ATXN7: variants seen among roughly 807,000 people sequenced by gnomAD.
The protein encoded by ATXN7 is ataxin 7.
In ATXN7, 12 loss-of-function variants were observed where a neutral mutation model predicts 70.5. The observed-to-expected ratio is 0.17, with a 90% confidence interval of 0.11 to 0.28. ATXN7 has a LOEUF of 0.28. Ranked by LOEUF, ATXN7 falls within the 10% of genes least tolerant of loss-of-function variation. ATXN7 has a pLI of 1.00. For missense variants in ATXN7, 1,256 were observed against 1,131.7 expected, an observed-to-expected ratio of 1.11 and a Z score of -1.58; for synonymous variants, 498 against 448.7, an observed-to-expected ratio of 1.11 and a Z score of -1.39.
intron 4 of ATXN7, among the ~76,000 whole-genome samples, chr3:63,933,313 T>C (rs966800811): frequency 1.3e-5 from 2 of 152,198 alleles, no homozygotes; most frequent in South Asian, 2.1e-4. Flanking sequence ...TTCTGTCCTG[T>C]AGAAACTTAG....
At chr3:63,953,598 G>A (rs1575944047) in intron 5 of ATXN7, among the ~76,000 whole-genome samples, 1 of 152,064 alleles carries the variant, frequency 6.6e-6, no homozygotes, top group South Asian at 2.1e-4. Context: ...AGATGACACC[G>A]GACTGAGAGT....
At chr3:63,895,799 C>G (rs546829333) in intron 1 of ATXN7, among the ~76,000 whole-genome samples, 45 of 151,964 alleles carry the variant, frequency 3.0e-4, no homozygotes, top group Admixed American at 1.6e-3. Flanking sequence ...CTCTCTCTCT[C>G]TGTGTCTCTC....
At chr3:63,942,448 T>A (rs1384114081) in intron 4 of ATXN7, among the ~76,000 whole-genome samples, 2 of 152,212 alleles carry the variant, frequency 1.3e-5, no homozygotes. Flanking sequence ...TTATTTTTGT[T>A]ATACGTATCA....
At chr3:63,865,363 G>A (rs1442116110) in intron 1 of ATXN7, 2 of 152,180 alleles carry the variant, frequency 1.3e-5, no homozygotes, top group African/African-American at 4.8e-5. Flanking sequence ...ATTCTGAGAT[G>A]TGACTTGCTC....
At chr3:63,914,876 A>G (rs569599656) in intron 4 of ATXN7, among the ~76,000 whole-genome samples, 5 of 152,158 alleles carry the variant, frequency 3.3e-5, no homozygotes, top group Admixed American at 6.5e-5. Flanking sequence ...AAGACGTTAA[A>G]CTACCTACTT....
chr3:64,001,188 T>C lies in ATXN7; in HGVS notation c.*1721T>C, dbSNP rs1397966589. 6.6e-6 allele frequency: 1 copy of C among 152,136 alleles called. No homozygotes were observed. The highest frequency in any genetic ancestry group is 1.5e-5 in the Non-Finnish European group (1 of 68,038). 9.4% of individuals were successfully genotyped at this position (152,136 alleles called of 1,614,324 possible). On this transcript the variant is annotated 3_prime_UTR_variant, in exon 13 of 13. Coordinates refer to ENST00000674280, the MANE Select transcript of ATXN7 (RefSeq NM_001377405.1). ...TTATTATGTAAGAAAACAAAAACTT[T>C]ATGCAGATACTTTAGCTATAAATTG...
intron 5 of ATXN7, among the ~76,000 whole-genome samples, chr3:63,953,896 C>T (rs1015581959): frequency 6.6e-6 from 1 of 152,102 alleles, no homozygotes; most frequent in Non-Finnish European, 1.5e-5. Context: ...GATCCGCCCA[C>T]CTCTGCCTCC....
chr3:63,967,245 TAGTC>T (rs1444111737), intron 5 of ATXN7, among the ~76,000 whole-genome samples: 1 of 152,192 alleles, frequency 6.6e-6, no homozygotes, highest in African/African-American at 2.4e-5. Context: ...ATGAAAGCTT[TAGTC>T]AGTCCTCTAG....
chr3:63,937,847 GT>G (rs1307616101), intron 4 of ATXN7, among the ~76,000 whole-genome samples: 1 of 152,148 alleles, frequency 6.6e-6, no homozygotes, highest in African/African-American at 2.4e-5. Context: ...GTGCCTGCCT[GT>G]TTCCTCATTT....
At chr3:63,916,984 A>G (rs551109473) in intron 4 of ATXN7, among the ~76,000 whole-genome samples, 1 of 152,162 alleles carries the variant, frequency 6.6e-6, no homozygotes, top group East Asian at 1.9e-4. Context: ...TACAGGCACG[A>G]TCTGTGCTCA....
Position 63,990,203 on chromosome 3 carries a change from T to C in ATXN7, c.1389T>C (p.Gly463=), listed in dbSNP as rs751365756. ...CTCCAGGCTGCCCTGCTCAGCAAGG[T>C]GGGAGTGCCCCCATTGACCCTCCTC... is the stretch of plus-strand genomic sequence containing the variant. ...PRPPGCPAQQ[G]GSAPIDPPPV... is the part of the protein sequence containing the mutation. Residue 463 remains glycine, a synonymous_variant, in exon 10 of 13, where the codon GGT becomes GGC. Transcript: ENST00000674280. 2.5e-6 allele frequency: 4 copies of C among 1,613,422 alleles called. No individual in the cohort carries two copies. In the South Asian group the frequency reaches 4.4e-5, roughly 18 times the overall value.
intron 12 of ATXN7, chr3:63,996,722 A>G (rs1421539944): frequency 1.8e-6 from 1 of 541,268 alleles, no homozygotes; most frequent in Non-Finnish European, 3.2e-6. Flanking sequence ...CAGTAAAGAA[A>G]CTACAGTAAT....
chr3:63,996,581 G>C, intron 12 of ATXN7, 98 bp downstream of exon 12: 1 of 975,938 alleles, frequency 1.0e-6, no homozygotes, highest in Non-Finnish European at 1.4e-6. Flanking sequence ...TGGTTGGTTG[G>C]TTTGTAAACA....
At chr3:63,970,299 G>C (rs2075289301) in intron 5 of ATXN7, among the ~76,000 whole-genome samples, 1 of 152,128 alleles carries the variant, frequency 6.6e-6, no homozygotes, top group African/African-American at 2.4e-5. Flanking sequence ...CTGGTCAAAA[G>C]TCTGCACCTT....
intron 4 of ATXN7, among the ~76,000 whole-genome samples, chr3:63,943,811 G>A (rs936371574): frequency 6.6e-6 from 1 of 152,088 alleles, no homozygotes; most frequent in Non-Finnish European, 1.5e-5. Flanking sequence ...TCTTTGCAGG[G>A]TACTCTAGAC....
intron 5 of ATXN7, among the ~76,000 whole-genome samples, chr3:63,974,590 T>C (rs1559652443): frequency 6.6e-6 from 1 of 152,360 alleles, no homozygotes; most frequent in East Asian, 1.9e-4. Context: ...AAGCCTTGGC[T>C]TCCTCATCTG....
At chr3:63,939,441 A>G (rs1472026150) in intron 4 of ATXN7, among the ~76,000 whole-genome samples, 1 of 152,154 alleles carries the variant, frequency 6.6e-6, no homozygotes, top group Non-Finnish European at 1.5e-5. Flanking sequence ...CCCATACTAT[A>G]GTCGAAGCAA....
rs995297716 is a variant in ATXN7 at position 64,000,726 on chromosome 3, A to G, written c.*1259A>G. The stretch of plus-strand genomic sequence containing the variant: ...CATGTATAGGATTGCCCTGACACAC[A>G]CCCTCCTTTCTTGGGATTATACCAG... On this transcript the variant is annotated 3_prime_UTR_variant, in exon 13 of 13. Coordinates refer to ENST00000674280, the MANE Select transcript of ATXN7 (RefSeq NM_001377405.1). The G allele has an allele frequency of 6.6e-6, 1 of 151,290 alleles. No individual in the cohort carries two copies. Among genetic ancestry groups the G allele is most frequent in the African/African-American group, 2.4e-5 (1 of 41,048 alleles). 9.4% of individuals were successfully genotyped at this position (151,290 alleles called of 1,614,324 possible). A position where few individuals can be genotyped will look rare whatever the true frequency, so the allele number is the denominator to read the frequency against.
chr3:63,918,595 C>A (rs1399215889), intron 4 of ATXN7, among the ~76,000 whole-genome samples: 1 of 152,154 alleles, frequency 6.6e-6, no homozygotes, highest in Non-Finnish European at 1.5e-5. Context: ...CATATCATTT[C>A]TTTTGGTTTT....
Sources: allele counts gnomAD v4.1 joint callset (sites outside exome capture counted in the v4.1 genomes callset), GRCh38; gene constraint gnomAD v4.1.1; transcripts MANE v1.5; gene names NCBI Gene and HGNC (gene_info 2026-07-23, HGNC 2026-07-21).